Variants in BTBD1 observed in about 807,000 individuals in gnomAD.
BTBD1 encodes the protein BTB/POZ domain-containing protein 1.
Under a neutral mutation model 48.0 loss-of-function variants are expected in BTBD1, and 34 were observed. The observed-to-expected ratio is 0.71, with a 90% CI of 0.54 to 0.94. BTBD1 has a LOEUF of 0.94. Ranked by LOEUF, BTBD1 falls within the 40% of genes least tolerant of loss-of-function variation. The probability of loss-of-function intolerance (pLI) is 0.00; values close to 1 mark genes in which losing one functional copy is unlikely to be tolerated. For synonymous variants in BTBD1, 261 were observed against 242.1 expected (o/e 1.08, Z -0.72); for missense variants, 543 against 625.6 (o/e 0.87, Z 1.41).
chr15:83,020,453 G>C (rs2032271986), intron 6 of BTBD1: 3 of 421,076 alleles, frequency 7.1e-6, no homozygotes, highest in Non-Finnish European at 1.2e-5. Flanking sequence ...GGACAAAGAA[G>C]AGCTCCTTAT....
rs539696988 is a variant in BTBD1, at chr15:83,044,438, A to G, written c.665-2513T>C. Reference sequence around the variant, plus strand: ...AGCAAACGCTTTGATGAATACATGAAGGAGGAGGAGTGGGAACTGCTTTGC... The same window carrying G: ...AGCAAACGCTTTGATGAATACATGAGGGAGGAGGAGTGGGAACTGCTTTGC... On this transcript the variant is annotated intron_variant, in intron 3 of 7. Transcript: ENST00000261721. The G allele has an allele frequency of 3.2e-6, 5 of 1,576,200 alleles. No homozygotes were observed. The East Asian group carries it at 1.1e-4, about 35-fold the overall frequency.
intron 1 of BTBD1, among the ~76,000 whole-genome samples, chr15:83,063,286 G>A (rs554993105): frequency 3.3e-5 from 5 of 151,984 alleles, no homozygotes; most frequent in Admixed American, 1.3e-4. Context: ...TTGATCTCTC[G>A]ATTTAAATAC....
chr15:83,050,273 C>T lies in BTBD1; in HGVS notation c.559-95G>A, dbSNP rs976161689. The T allele has an allele frequency of 3.8e-5, 24 of 637,064 alleles. No individual in the cohort carries two copies. In the South Asian group the frequency reaches 5.4e-4, roughly 14 times the overall value. 39.5% of individuals were successfully genotyped at this position (637,064 alleles called of 1,614,324 possible). ...TTAATATTGTCAACAGTTATAATTG[C>T]TAATTATGTAAAAATATCTACTTAA... is the stretch of plus-strand genomic sequence containing the variant. On this transcript the variant is annotated intron_variant, in intron 2 of 7. Transcript: ENST00000261721.
At chr15:83,063,773 C>T (rs2033213560) in intron 1 of BTBD1, among the ~76,000 whole-genome samples, 1 of 152,190 alleles carries the variant, frequency 6.6e-6, no homozygotes, top group Admixed American at 6.5e-5. Flanking sequence ...GTGCTTAAGG[C>T]ACACTGGTTC....
chr15:83,050,435 T>C (rs2032960311), intron 2 of BTBD1, among the ~76,000 whole-genome samples: 2 of 95,940 alleles, frequency 2.1e-5, no homozygotes, highest in South Asian at 5.2e-4. Context: ...TGTGCTTGTG[T>C]GTGTGTGTGT....
At chr15:83,027,405 C>T (rs1395563372) in intron 5 of BTBD1, among the ~76,000 whole-genome samples, 1 of 152,136 alleles carries the variant, frequency 6.6e-6, no homozygotes, top group African/African-American at 2.4e-5. Context: ...CTTTATTCCA[C>T]AAAAGAGAAA....
intron 4 of BTBD1, among the ~76,000 whole-genome samples, chr15:83,031,163 A>G (rs1307725516): frequency 2.0e-5 from 3 of 152,158 alleles, no homozygotes; most frequent in African/African-American, 7.2e-5. Flanking sequence ...AAGTGTTCCT[A>G]TTTCTCCACA....
intron 5 of BTBD1, among the ~76,000 whole-genome samples, chr15:83,023,348 C>T (rs1412235596): frequency 2.6e-5 from 4 of 152,060 alleles, no homozygotes; most frequent in African/African-American, 7.2e-5. Flanking sequence ...CCTAGAACTG[C>T]TGGTGAAAAT....
intron 3 of BTBD1, among the ~76,000 whole-genome samples, chr15:83,043,626 T>G (rs1437378068): frequency 3.3e-5 from 5 of 152,072 alleles, no homozygotes; most frequent in African/African-American, 7.2e-5. Context: ...TTGATCATAT[T>G]TGGAACATAT....
intron 4 of BTBD1, among the ~76,000 whole-genome samples, chr15:83,039,647 G>A (rs1342942947): frequency 6.6e-6 from 1 of 151,584 alleles, no homozygotes; most frequent in African/African-American, 2.4e-5. Flanking sequence ...GGTGGCGGGC[G>A]GGCGTATGTA....
In BTBD1 at chr15:83,061,820, AAAGAT is replaced by A. The variant is rs1399556236; in HGVS notation, c.401+4926_401+4930del. The A allele has an allele frequency of 3.0e-4, 45 of 152,226 alleles. 1 individual carries two copies. Among genetic ancestry groups the A allele is most frequent in the Admixed American group, 2.9e-3 (45 of 15,280 alleles). 9.4% of individuals were successfully genotyped at this position (152,226 alleles called of 1,614,324 possible). A position where few individuals can be genotyped will look rare whatever the true frequency, so the allele number is the denominator to read the frequency against. ...ATTCCAGTCAACCCACACAACTGTA[AAAGAT>A]AATAAAAGTTGTTTAAGTCACTACG... On this transcript the variant is annotated intron_variant, in intron 1 of 7. Coordinates refer to ENST00000261721, the MANE Select transcript of BTBD1 (RefSeq NM_025238.4).
chr15:83,033,398 G>A (rs1251150884), intron 4 of BTBD1, among the ~76,000 whole-genome samples: 2 of 152,066 alleles, frequency 1.3e-5, no homozygotes, highest in Non-Finnish European at 2.9e-5. Context: ...ATAACTGAAA[G>A]GGCAAATATA....
intron 3 of BTBD1, chr15:83,044,442 G>C: frequency 6.4e-7 from 1 of 1,574,462 alleles, no homozygotes; most frequent in Non-Finnish European, 8.7e-7. Context: ...ACATGAAGGA[G>C]GAGGAGTGGG....
chr15:83,020,432 A>C (rs2032271437), intron 6 of BTBD1: 1 of 388,540 alleles, frequency 2.6e-6, no homozygotes, highest in Non-Finnish European at 4.5e-6. Context: ...GTACTAATAG[A>C]AGGGATTCCT....
In BTBD1 at chr15:83,017,135, C is replaced by G. The variant is rs2032184406; in HGVS notation, c.*932G>C. 1 of 152,588 alleles carries G rather than the reference C, an allele frequency of 6.6e-6. No individual in the cohort carries two copies. Among genetic ancestry groups the G allele is most frequent in the African/African-American group, 2.4e-5 (1 of 41,446 alleles). The allele number at this position is 152,588 out of a possible 1,614,324, so 9.5% of individuals were successfully genotyped here. On this transcript the variant is annotated 3_prime_UTR_variant, in exon 8 of 8. Transcript: ENST00000261721. The stretch of plus-strand genomic sequence containing the variant: ...ATAGAAATGTGTAGGTGGCAGAAAG[C>G]GTATTTTTCAGCAGGAGTGATTCTG...
At chr15:83,054,574 T>C (rs546757145) in intron 2 of BTBD1, among the ~76,000 whole-genome samples, 84 of 151,082 alleles carry the variant, frequency 5.6e-4, no homozygotes, top group African/African-American at 2.0e-3. Context: ...TTTTTTTTTT[T>C]TTTTTTGAGA....
intron 1 of BTBD1, 63 bp downstream of exon 1, chr15:83,066,688 G>A: frequency 4.0e-6 from 5 of 1,257,596 alleles, no homozygotes; most frequent in South Asian, 5.5e-5. Flanking sequence ...CGGGCCCCGG[G>A]GATCTCCCAG....
intron 4 of BTBD1, among the ~76,000 whole-genome samples, chr15:83,035,858 T>C (rs1212685499): frequency 6.6e-6 from 1 of 151,904 alleles, no homozygotes; most frequent in Non-Finnish European, 1.5e-5. Context: ...TTCTAACTTT[T>C]GTATGAGGAC....
intron 4 of BTBD1, among the ~76,000 whole-genome samples, chr15:83,035,346 G>A (rs998535965): frequency 2.0e-5 from 3 of 151,782 alleles, no homozygotes; most frequent in South Asian, 2.1e-4. Context: ...CATATGCTGG[G>A]CCAAAGCAGA....
Sources: allele counts gnomAD v4.1 joint callset (sites outside exome capture counted in the v4.1 genomes callset), GRCh38; gene constraint gnomAD v4.1.1; transcripts MANE v1.5; gene names NCBI Gene and HGNC (gene_info 2026-07-23, HGNC 2026-07-21).